OR2T11: variants seen among roughly 807,000 people sequenced by gnomAD.
OR2T11 encodes olfactory receptor family 2 subfamily T member 11.
In OR2T11, 14 loss-of-function variants were observed where a neutral mutation model predicts 13.5. That is an observed-to-expected ratio of 1.04 (90% CI 0.69 to 1.62). The LOEUF is 1.62. Among genes scored for constraint, OR2T11 ranks in the 40% most tolerant of loss-of-function variants. The probability of loss-of-function intolerance (pLI) is 0.00; values close to 1 mark genes in which losing one functional copy is unlikely to be tolerated. For missense variants in OR2T11, 410 were observed against 389.7 expected (o/e 1.05, Z -0.44); for synonymous variants, 163 against 154.6 (o/e 1.05, Z -0.40).
chr1:248,634,159 A>G lies in OR2T11; in HGVS notation c.-145+879T>C, dbSNP rs1660653778. 1.4e-5 allele frequency among the ~76,000 whole-genome samples: 2 copies of G among 142,418 alleles called. 1 individual carries two copies. Among genetic ancestry groups the G allele is most frequent in the Non-Finnish European group, 3.0e-5 (2 of 66,126 alleles). 93.4% of individuals were successfully genotyped at this position (142,418 alleles called of 152,430 possible). ...AAGGTACTAAGCCTTCTAAAGTGAA[A>G]GTTTTCATTCGTTTATTACACTAGT... On this transcript the variant is annotated intron_variant, in intron 1 of 1. Transcript: ENST00000641193.
rs1369558561 is a variant in OR2T11, at chr1:248,630,635, G to A, written c.-144-3363C>T. ...AATTGTGTATGATTTATTGCAAAAT[G>A]TCATCTGCCTTCTATGATCAGAATT... On this transcript the variant is annotated intron_variant, in intron 1 of 1. Transcript: ENST00000641193. Among the ~76,000 whole-genome samples the A allele has an allele frequency of 3.5e-5, 5 of 144,024 alleles. 1 individual carries two copies. The highest frequency in any genetic ancestry group is 2.7e-4 in the Admixed American group (4 of 14,756). The allele number at this position is 144,024 out of a possible 152,430, so 94.5% of individuals were successfully genotyped here. A position where few individuals can be genotyped will look rare whatever the true frequency, so the allele number is the denominator to read the frequency against.
intron 1 of OR2T11, among the ~76,000 whole-genome samples, chr1:248,627,865 C>G (rs1222934601): frequency 7.0e-6 from 1 of 143,444 alleles, no homozygotes; most frequent in Non-Finnish European, 1.5e-5. Context: ...AAAGTTGGGA[C>G]TCCTCACTGT....
rs976038026 is a variant in OR2T11 at position 248,627,183 on chromosome 1, A to AG, written c.-56dup. On this transcript the variant is annotated 5_prime_UTR_variant, in exon 2 of 2. Transcript: ENST00000641193. ...CGGGAAGACACAAGGACCAGGAAGGAGGCAAGAGAACACGGTCAAGATGGG... is the reference window on the plus strand; with the variant it reads ...CGGGAAGACACAAGGACCAGGAAGGAGGGCAAGAGAACACGGTCAAGATGGG... The AG allele has an allele frequency of 5.7e-6, 6 of 1,050,358 alleles. No individual in the cohort carries two copies. The highest frequency in any genetic ancestry group is 1.8e-5 in the African/African-American group (1 of 55,492). 65.1% of individuals were successfully genotyped at this position (1,050,358 alleles called of 1,614,324 possible).
intron 1 of OR2T11, among the ~76,000 whole-genome samples, chr1:248,634,257 G>A (rs1160549581): frequency 7.0e-6 from 1 of 142,582 alleles, no homozygotes; most frequent in Non-Finnish European, 1.5e-5. Flanking sequence ...TTGTTTTTAG[G>A]TATGTGATGA....
At chr1:248,634,682 C>T (rs1356000992) in intron 1 of OR2T11, among the ~76,000 whole-genome samples, 2 of 138,040 alleles carry the variant, frequency 1.4e-5, no homozygotes, top group African/African-American at 2.9e-5. Flanking sequence ...CAGGACCTGA[C>T]GTTTCAGTCA....
At chr1:248,627,808 C>T (rs574288262) in intron 1 of OR2T11, among the ~76,000 whole-genome samples, 2 of 142,706 alleles carry the variant, frequency 1.4e-5, no homozygotes, top group South Asian at 2.2e-4. Flanking sequence ...GCTTTCACCC[C>T]CTACTCTTCC....
Position 248,623,933 on chromosome 1 carries a change from C to T in OR2T11, c.*2245G>A, listed in dbSNP as rs186737379. 1.6e-5 allele frequency: 2 copies of T among 123,898 alleles called. No homozygotes were observed. The highest frequency in any genetic ancestry group is 6.2e-4 in the East Asian group (2 of 3,250). 7.7% of individuals were successfully genotyped at this position (123,898 alleles called of 1,614,324 possible). On this transcript the variant is annotated 3_prime_UTR_variant, in exon 2 of 2. Coordinates refer to ENST00000641193, the MANE Select transcript of OR2T11 (RefSeq NM_001001964.2). Reference sequence around the variant, plus strand: ...TCTTCTCCAAGATGATTCTCTTCTCCTCTCAAACTTTTGACGGGACCACCC... The same window carrying T: ...TCTTCTCCAAGATGATTCTCTTCTCTTCTCAAACTTTTGACGGGACCACCC...
At chr1:248,631,515 C>G (rs1209747231) in intron 1 of OR2T11, among the ~76,000 whole-genome samples, 1 of 142,988 alleles carries the variant, frequency 7.0e-6, no homozygotes, top group Non-Finnish European at 1.5e-5. Context: ...GATAATATCC[C>G]TTTGAGCATC....
intron 1 of OR2T11, among the ~76,000 whole-genome samples, chr1:248,633,197 C>T (rs1185921030): frequency 1.7e-5 from 2 of 121,094 alleles, no homozygotes; most frequent in Non-Finnish European, 3.4e-5. Flanking sequence ...TAAGCGTCTG[C>T]TAACTGGACA....
rs374835751 is a variant in OR2T11, at chr1:248,631,659, A to G, written c.-145+3379T>C. 7.0e-5 allele frequency among the ~76,000 whole-genome samples: 10 copies of G among 143,150 alleles called. 2 individuals carry two copies. Among genetic ancestry groups the G allele is most frequent in the African/African-American group, 2.8e-4 (10 of 36,250 alleles). The allele number at this position is 143,150 out of a possible 152,430, so 93.9% of individuals were successfully genotyped here. ...ATAAAGTGACAACATGAAGTTAATAATTTTCCAGAAACACAAAATTCTCCC... is the reference window on the plus strand; with the variant it reads ...ATAAAGTGACAACATGAAGTTAATAGTTTTCCAGAAACACAAAATTCTCCC... On this transcript the variant is annotated intron_variant, in intron 1 of 1. Coordinates refer to ENST00000641193, the MANE Select transcript of OR2T11 (RefSeq NM_001001964.2).
chr1:248,632,465 G>C (rs1445461173), intron 1 of OR2T11, among the ~76,000 whole-genome samples: 1 of 136,394 alleles, frequency 7.3e-6, no homozygotes, highest in Non-Finnish European at 1.6e-5. Flanking sequence ...CCTAAAGTTG[G>C]GGGTTTGGGG....
In OR2T11 at chr1:248,626,032, G is replaced by A; in HGVS notation, c.*146C>T. ...CATAACAGTAAAACATCTTTCCCTT[G>A]CTCCCGAGGAGCAAGAATCCAGACA... is the stretch of plus-strand genomic sequence containing the variant. On this transcript the variant is annotated 3_prime_UTR_variant, in exon 2 of 2. Coordinates refer to ENST00000641193, the MANE Select transcript of OR2T11 (RefSeq NM_001001964.2). The A allele has an allele frequency of 1.8e-6, 1 of 549,896 alleles. No homozygotes were observed. The highest frequency in any genetic ancestry group is 3.2e-6 in the Non-Finnish European group (1 of 308,716). 34.1% of individuals were successfully genotyped at this position (549,896 alleles called of 1,614,324 possible).
chr1:248,626,869 T>G lies in OR2T11; in HGVS notation c.260A>C (p.Lys87Thr), dbSNP rs1660531704. 1.3e-6 allele frequency: 2 copies of G among 1,570,528 alleles called. No homozygotes were observed. The highest frequency in any genetic ancestry group is 1.7e-6 in the Non-Finnish European group (2 of 1,154,912). ...GCCACAGGCCACAAAGGAAATGATCTTCTCTTTAGAAACCATGTCTGCCAG... is the reference window on the plus strand; with the variant it reads ...GCCACAGGCCACAAAGGAAATGATCGTCTCTTTAGAAACCATGTCTGCCAG... Reference protein sequence around the residue: ...KLLADMVSKEKIISFVACGIQ... With the variant: ...KLLADMVSKETIISFVACGIQ... The change falls in exon 2 of 2, where the codon AAG becomes ACG. Residue 87 changes from lysine (K) to threonine (T), a missense_variant. Coordinates refer to ENST00000641193, the MANE Select transcript of OR2T11 (RefSeq NM_001001964.2).
rs1660510300 is a variant in OR2T11 at position 248,625,976 on chromosome 1, C to A, written c.*202G>T. ...ATAAATTATTTAACTTCATAATAAA[C>A]CATTTTTGATACTTCACTGAAAGAT... is the stretch of plus-strand genomic sequence containing the variant. On this transcript the variant is annotated 3_prime_UTR_variant, in exon 2 of 2. Coordinates refer to ENST00000641193, the MANE Select transcript of OR2T11 (RefSeq NM_001001964.2). 2.4e-6 allele frequency: 1 copy of A among 415,168 alleles called. No homozygotes were observed. Among genetic ancestry groups the A allele is most frequent in the South Asian group, 4.7e-5 (1 of 21,188 alleles). 25.7% of individuals were successfully genotyped at this position (415,168 alleles called of 1,614,324 possible).
rs182025279 is a variant in OR2T11, at chr1:248,626,309, A to C, written c.820T>G (p.Phe274Val). 14 of 1,570,666 alleles carry C rather than the reference A, an allele frequency of 8.9e-6. 2 individuals are homozygous for C. In the Admixed American group the frequency reaches 2.4e-4, roughly 27 times the overall value. The change falls in exon 2 of 2, where the codon TTC becomes GTC. Residue 274 changes from phenylalanine (F) to valine (V), a missense_variant. Phe to Val is a conservative substitution (Grantham distance 50, BLOSUM62 -1). Transcript: ENST00000641193. ...TPEQDKVVSAFYTIVTPMLNP... is the reference protein window; with the variant it reads ...TPEQDKVVSAVYTIVTPMLNP... ...AGCATGGGCGTGACAATGGTATAGA[A>C]GGCTGACACTACTTTGTCCTGCTCG...
At position 248,625,977 on chromosome 1, in the gene OR2T11, C is replaced by G. The variant is rs564982274; in HGVS notation, c.*201G>C. On this transcript the variant is annotated 3_prime_UTR_variant, in exon 2 of 2. Coordinates refer to ENST00000641193, the MANE Select transcript of OR2T11 (RefSeq NM_001001964.2). ...TAAATTATTTAACTTCATAATAAAC[C>G]ATTTTTGATACTTCACTGAAAGATC... 9 of 412,850 alleles carry G rather than the reference C, an allele frequency of 2.2e-5. 3 individuals are homozygous for G. The highest frequency in any genetic ancestry group is 1.8e-4 in the African/African-American group (8 of 43,526). 25.6% of individuals were successfully genotyped at this position (412,850 alleles called of 1,614,324 possible). A position where few individuals can be genotyped will look rare whatever the true frequency, so the allele number is the denominator to read the frequency against.
chr1:248,627,269 G>C lies in OR2T11; in HGVS notation c.-141C>G. 3.4e-6 allele frequency: 2 copies of C among 584,272 alleles called. 1 individual carries two copies. The allele number at this position is 584,272 out of a possible 1,614,324, so 36.2% of individuals were successfully genotyped here. A position where few individuals can be genotyped will look rare whatever the true frequency, so the allele number is the denominator to read the frequency against. On this transcript the variant is annotated 5_prime_UTR_variant, in exon 2 of 2. Transcript: ENST00000641193. ...CCGTCAGGATGAAGCTTCCAGGCTA[G>C]AGGCTAGAGAAGAACAGGCAGACCA...
intron 1 of OR2T11, among the ~76,000 whole-genome samples, chr1:248,633,227 T>A (rs1660636692): frequency 7.4e-6 from 1 of 135,700 alleles, no homozygotes; most frequent in South Asian, 2.4e-4. Flanking sequence ...TAATTTAGGT[T>A]TTAGTACATA....
rs1359336206 is a variant in OR2T11 at position 248,624,102 on chromosome 1, A to AC, written c.*2075dup. On this transcript the variant is annotated 3_prime_UTR_variant, in exon 2 of 2. Coordinates refer to ENST00000641193, the MANE Select transcript of OR2T11 (RefSeq NM_001001964.2). ...TGGCCATGCTCTTACAAAAGTTCAA[A>AC]CTCTCCACTTCTAAACTGGTTTCTG... The AC allele has an allele frequency of 7.1e-6, 1 of 141,336 alleles. No homozygotes were observed. Among genetic ancestry groups the AC allele is most frequent in the Non-Finnish European group, 1.5e-5 (1 of 65,762 alleles). 8.8% of individuals were successfully genotyped at this position (141,336 alleles called of 1,614,324 possible). A position where few individuals can be genotyped will look rare whatever the true frequency, so the allele number is the denominator to read the frequency against.
Sources: gnomAD v4.1 joint callset for allele counts (sites outside exome capture counted in the v4.1 genomes callset) on GRCh38, gnomAD v4.1.1 for gene constraint, MANE v1.5 for transcripts, NCBI Gene and HGNC (gene_info 2026-07-23, HGNC 2026-07-21) for gene names.